Variants in RPS6KC1 observed in about 807,000 individuals in gnomAD.
The protein encoded by RPS6KC1 is inactive ribosomal protein S6 kinase delta-1.
In RPS6KC1, 54 loss-of-function variants were observed where a neutral mutation model predicts 103.8. The observed-to-expected ratio is 0.52, with a 90% CI of 0.42 to 0.65. The LOEUF (loss-of-function observed/expected upper bound fraction) is 0.65. RPS6KC1 is among the 30% of genes least tolerant of loss of function. The pLI is 0.00. For synonymous variants in RPS6KC1, 439 were observed against 438.7 expected (o/e 1.00, Z -0.01); for missense variants, 1,151 against 1,253.8 (o/e 0.92, Z 1.24).
the RPS6KC1 span, among the ~76,000 whole-genome samples, chr1:213,762,553 T>C: frequency 3.4e-3 from 521 of 152,342 alleles, 2 homozygotes; most frequent in African/African-American, 0.011. Flanking sequence ...TTGTGATCAT[T>C]TGCTAATAAC....
At chr1:213,425,058 T>C in the RPS6KC1 span, among the ~76,000 whole-genome samples, 5 of 152,180 alleles carry the variant, frequency 3.3e-5, no homozygotes, top group South Asian at 8.3e-4. Context: ...AGCCGCCATG[T>C]AGCAGGGAAG....
the RPS6KC1 span, among the ~76,000 whole-genome samples, chr1:213,590,538 C>A: frequency 6.6e-6 from 1 of 152,176 alleles, no homozygotes; most frequent in Non-Finnish European, 1.5e-5. Flanking sequence ...GCAATCTCAG[C>A]TGAGGCCTCA....
At chr1:213,403,847 G>A in the RPS6KC1 span, among the ~76,000 whole-genome samples, 1 of 151,728 alleles carries the variant, frequency 6.6e-6, no homozygotes, top group South Asian at 2.1e-4. Flanking sequence ...ATGTATGGGT[G>A]AGGCCTGCCA....
chr1:213,375,276 CATAT>C, the RPS6KC1 span, among the ~76,000 whole-genome samples: 4 of 151,860 alleles, frequency 2.6e-5, no homozygotes, highest in Non-Finnish European at 4.4e-5. Flanking sequence ...TATACACATA[CATAT>C]ATACACACAT....
At chr1:213,562,924 A>G in the RPS6KC1 span, among the ~76,000 whole-genome samples, 2 of 152,168 alleles carry the variant, frequency 1.3e-5, no homozygotes, top group Admixed American at 1.3e-4. Context: ...TTGGCCTCCC[A>G]AAGTGTTGGG....
chr1:213,565,940 C>T, the RPS6KC1 span, among the ~76,000 whole-genome samples: 6 of 107,708 alleles, frequency 5.6e-5, no homozygotes, highest in Admixed American at 2.3e-4. Flanking sequence ...GCCTGGGCAA[C>T]AAGAGTGAAA....
chr1:213,091,215 G>T (rs745508312), intron 3 of RPS6KC1, among the ~76,000 whole-genome samples: 1 of 151,952 alleles, frequency 6.6e-6, no homozygotes, highest in African/African-American at 2.4e-5. Context: ...CAGCCACCAC[G>T]CCCAGCTAAT....
chr1:213,542,186 A>G, the RPS6KC1 span, among the ~76,000 whole-genome samples: 1 of 152,202 alleles, frequency 6.6e-6, no homozygotes, highest in Non-Finnish European at 1.5e-5. Flanking sequence ...GGCATTGCTG[A>G]TTAACTTGGT....
At chr1:213,608,592 T>G in the RPS6KC1 span, among the ~76,000 whole-genome samples, 6 of 152,236 alleles carry the variant, frequency 3.9e-5, no homozygotes, top group Non-Finnish European at 8.8e-5. Flanking sequence ...TTTAGATTTT[T>G]AAGCAAGTTC....
chr1:213,472,798 A>AT, the RPS6KC1 span, among the ~76,000 whole-genome samples: 1 of 152,266 alleles, frequency 6.6e-6, no homozygotes, highest in Non-Finnish European at 1.5e-5. Flanking sequence ...GAAGAGCTTT[A>AT]TAAGTAAGTA....
At chr1:213,483,429 T>TC in the RPS6KC1 span, among the ~76,000 whole-genome samples, 8 of 152,046 alleles carry the variant, frequency 5.3e-5, no homozygotes, top group Non-Finnish European at 1.5e-5. Flanking sequence ...TTAATGGACA[T>TC]CCCCCCCAAA....
chr1:213,611,983 G>A, the RPS6KC1 span, among the ~76,000 whole-genome samples: 1 of 152,198 alleles, frequency 6.6e-6, no homozygotes, highest in African/African-American at 2.4e-5. Context: ...AAACCAGATG[G>A]ATAGACCAGG....
At chr1:213,438,385 G>A in the RPS6KC1 span, among the ~76,000 whole-genome samples, 3 of 152,062 alleles carry the variant, frequency 2.0e-5, no homozygotes, top group African/African-American at 7.2e-5. Flanking sequence ...AGTTTCTGAT[G>A]ATACTATTTT....
At chr1:213,631,300 G>A in the RPS6KC1 span, among the ~76,000 whole-genome samples, 6 of 149,918 alleles carry the variant, frequency 4.0e-5, no homozygotes, top group African/African-American at 7.4e-5. Context: ...CTTCTGTGTC[G>A]TTCACGCTGG....
intron 5 of RPS6KC1, among the ~76,000 whole-genome samples, chr1:213,118,045 ACTC>A (rs2083900959): frequency 2.0e-5 from 3 of 149,134 alleles, no homozygotes; most frequent in Non-Finnish European, 4.5e-5. Flanking sequence ...AAAAAGCCTT[ACTC>A]ATTTCTTTAG....
At chr1:213,247,660 G>A (rs1309012704) in intron 12 of RPS6KC1, among the ~76,000 whole-genome samples, 2 of 152,012 alleles carry the variant, frequency 1.3e-5, no homozygotes, top group Non-Finnish European at 2.9e-5. Context: ...CTTGACCTCG[G>A]GAAATTTATT....
chr1:213,528,548 CTT>C, the RPS6KC1 span, among the ~76,000 whole-genome samples: 2 of 152,150 alleles, frequency 1.3e-5, no homozygotes, highest in East Asian at 3.9e-4. Flanking sequence ...ACAATGTGCT[CTT>C]GACACTGGGG....
chr1:213,487,864 A>T, the RPS6KC1 span, among the ~76,000 whole-genome samples: 34 of 152,210 alleles, frequency 2.2e-4, no homozygotes, highest in Admixed American at 1.3e-4. Flanking sequence ...TTCCTACCTT[A>T]TCTACACATG....
the RPS6KC1 span, among the ~76,000 whole-genome samples, chr1:213,649,344 A>C: frequency 6.6e-6 from 1 of 150,840 alleles, no homozygotes; most frequent in African/African-American, 2.4e-5. Context: ...AATTCCCTGA[A>C]GAGTCCACAC....
Sources: allele counts gnomAD v4.1 joint callset (sites outside exome capture counted in the v4.1 genomes callset), GRCh38; gene constraint gnomAD v4.1.1; transcripts MANE v1.5; gene names NCBI Gene and HGNC (gene_info 2026-07-23, HGNC 2026-07-21).